HOXC4: variants seen among roughly 807,000 people sequenced by gnomAD.
The protein encoded by HOXC4 is homeobox protein Hox-C4.
HOXC4 carries 15 observed loss-of-function variants against 25.5 expected under a neutral mutation model. The ratio of observed to expected loss-of-function variants is 0.59; its 90% confidence interval spans 0.39 to 0.91. The LOEUF is 0.91. Among genes scored for constraint, HOXC4 ranks in the 40% least tolerant of loss-of-function variants. The pLI is 0.00. For missense variants in HOXC4, 342 were observed against 352.4 expected (o/e 0.97, Z 0.24); for synonymous variants, 165 against 148.0 (o/e 1.11, Z -0.83).
rs747781602 is a variant in HOXC4 at position 54,055,219 on chromosome 12, C to T, written c.*14C>T. 1 of 1,456,302 alleles carries T rather than the reference C, an allele frequency of 6.9e-7. No homozygotes were observed. Among genetic ancestry groups the T allele is most frequent in the South Asian group, 1.4e-5 (1 of 72,930 alleles). The allele number at this position is 1,456,302 out of a possible 1,614,324, so 90.2% of individuals were successfully genotyped here. A position where few individuals can be genotyped will look rare whatever the true frequency, so the allele number is the denominator to read the frequency against. ...ACCAGGTTATAAAACATAACTCACA[C>T]CCCTGCCCCCACCCCATGCCCCCAC... is the stretch of plus-strand genomic sequence containing the variant. On this transcript the variant is annotated 3_prime_UTR_variant, in exon 2 of 2. Transcript: ENST00000430889.
At chr12:54,028,530 C>G in intron 1 of HOXC4, 1 of 1,613,684 alleles carries the variant, frequency 6.2e-7, no homozygotes, top group Non-Finnish European at 8.5e-7. Flanking sequence ...GGATGAATTC[C>G]TACTTCACTA....
intron 1 of HOXC4, chr12:54,034,595 T>C: frequency 2.1e-6 from 2 of 933,710 alleles, no homozygotes; most frequent in Non-Finnish European, 3.2e-6. Context: ...GGGCAGGTGC[T>C]GGAGCACTGG....
chr12:54,025,280 G>C lies in HOXC4; in HGVS notation c.-124+7866G>C, dbSNP rs529363335. Among the ~76,000 whole-genome samples the C allele has an allele frequency of 5.1e-4, 77 of 152,118 alleles. 1 individual carries two copies. The highest frequency in any genetic ancestry group is 5.9e-4 in the Admixed American group (9 of 15,286). On this transcript the variant is annotated intron_variant, in intron 1 of 3. Transcript: ENST00000303406. ...AATTGTTTTCAGACAAATTTAACAG[G>C]AAAATATAAATATATTTAGAAAAAT...
chr12:54,054,451 T>C (rs1937925477), intron 1 of HOXC4, 90 bp downstream of exon 1: 1 of 772,738 alleles, frequency 1.3e-6, no homozygotes, highest in East Asian at 2.9e-5. Context: ...CCCGTCCTCC[T>C]TTCTCTCCTT....
At chr12:54,046,265 C>T (rs989568936) in intron 1 of HOXC4, among the ~76,000 whole-genome samples, 19 of 152,330 alleles carry the variant, frequency 1.2e-4, no homozygotes, top group Non-Finnish European at 2.2e-4. Flanking sequence ...TATATCATTT[C>T]CAAGATTTTT....
In HOXC4 at chr12:54,055,113, C is replaced by A. The variant is rs748789540; in HGVS notation, c.703C>A (p.Leu235Ile). The change falls in exon 2 of 2, where the codon CTT becomes ATT. Residue 235 changes from leucine to isoleucine, a missense_variant. Leu to Ile is a conservative substitution (Grantham distance 5). Coordinates refer to ENST00000430889, the MANE Select transcript of HOXC4 (RefSeq NM_153633.3). ...APPAGAAPST[L>I]SAATPGTSED... ...CCCGGCCGGCGCTGCGCCCAGCACC[C>A]TTTCGGCAGCTACCCCGGGTACTTC... 1.9e-6 allele frequency: 3 copies of A among 1,613,208 alleles called. No homozygotes were observed. Among genetic ancestry groups the A allele is most frequent in the African/African-American group, 2.7e-5 (2 of 74,802 alleles).
At chr12:54,051,313 C>T (rs560653453), upstream of HOXC4, among the ~76,000 whole-genome samples, 1 of 151,998 alleles carries the variant, frequency 6.6e-6, no homozygotes, top group Non-Finnish European at 1.5e-5. Flanking sequence ...TTGGACTTCC[C>T]GGTGGAGCCA....
At chr12:54,033,011 T>A (rs1426519726) in intron 1 of HOXC4, 2 of 789,144 alleles carry the variant, frequency 2.5e-6, no homozygotes, top group Admixed American at 2.7e-5. Context: ...GAAAGAGATA[T>A]CTCCACCTAT....
intron 1 of HOXC4, chr12:54,033,445 T>TGGA: frequency 6.2e-7 from 1 of 1,600,504 alleles, no homozygotes; most frequent in Non-Finnish European, 8.5e-7. Context: ...CGCCCGGCGC[T>TGGA]GGAGGAGCGA....
At chr12:54,053,328 G>C (rs964968486), upstream of HOXC4, 2 of 152,868 alleles carry the variant, frequency 1.3e-5, no homozygotes, top group East Asian at 3.9e-4. Flanking sequence ...TGGATGGGGG[G>C]CACTCCAGGC....
At chr12:54,030,143 C>T in intron 1 of HOXC4, 1 of 586,474 alleles carries the variant, frequency 1.7e-6, no homozygotes, top group Non-Finnish European at 2.9e-6. Flanking sequence ...CACCGCACAA[C>T]TCTCTTTCAC....
intron 1 of HOXC4, among the ~76,000 whole-genome samples, chr12:54,047,279 T>C (rs1174076347): frequency 1.3e-5 from 2 of 152,242 alleles, no homozygotes; most frequent in Admixed American, 1.3e-4. Context: ...AACGTTTTCC[T>C]ATCAGAGAAT....
intron 1 of HOXC4, chr12:54,034,926 G>A (rs902819282): frequency 1.5e-5 from 3 of 206,678 alleles, no homozygotes; most frequent in Non-Finnish European, 3.0e-5. Context: ...CGGCTGGACG[G>A]GTTAGACAGC....
upstream of HOXC4, among the ~76,000 whole-genome samples, chr12:54,050,109 G>A (rs1168152101): frequency 6.6e-6 from 1 of 152,118 alleles, no homozygotes; most frequent in Non-Finnish European, 1.5e-5. Context: ...AGAGGGGTAC[G>A]ATTTTAATGC....
chr12:54,027,748 C>T (rs1159048201), intron 1 of HOXC4, among the ~76,000 whole-genome samples: 1 of 152,160 alleles, frequency 6.6e-6, no homozygotes, highest in African/African-American at 2.4e-5. Context: ...AGAGCAGATG[C>T]GTGGCCCATT....
intron 1 of HOXC4, among the ~76,000 whole-genome samples, chr12:54,044,638 G>A (rs555128978): frequency 1.6e-4 from 24 of 152,290 alleles, no homozygotes; most frequent in Non-Finnish European, 3.2e-4. Flanking sequence ...ACCCCATCGT[G>A]TACCGCATGA....
chr12:54,043,608 C>T lies in HOXC4; in HGVS notation c.-123-9552C>T, dbSNP rs11170790. Among the ~76,000 whole-genome samples, 2,287 of 151,252 alleles carry T rather than the reference C, an allele frequency of 0.015. 149 individuals are homozygous for T. The East Asian group carries it at 0.19, about 13-fold the overall frequency. ...CCACCCCACCCCCACCCCTCAAGCC[C>T]TGCGCAGCTGTTGAGTTTCCTTCCT... On this transcript the variant is annotated intron_variant, in intron 1 of 3. Coordinates refer to the HOXC4 transcript ENST00000303406.
intron 1 of HOXC4, among the ~76,000 whole-genome samples, chr12:54,032,681 T>G (rs1157041785): frequency 1.3e-5 from 2 of 152,168 alleles, no homozygotes; most frequent in African/African-American, 2.4e-5. Context: ...TCCTTCACAG[T>G]GTAGGAAATC....
chr12:54,051,694 G>A (rs1937849907), upstream of HOXC4, among the ~76,000 whole-genome samples: 2 of 152,316 alleles, frequency 1.3e-5, no homozygotes, highest in South Asian at 4.2e-4. Flanking sequence ...AGTATTCAGG[G>A]ACCACCAAGC....
Sources: allele counts gnomAD v4.1 joint callset (sites outside exome capture counted in the v4.1 genomes callset), GRCh38; gene constraint gnomAD v4.1.1; transcripts MANE v1.5; gene names NCBI Gene and HGNC (gene_info 2026-07-23, HGNC 2026-07-21).